PPFIA2: variants seen among roughly 807,000 people sequenced by gnomAD.
PPFIA2 encodes the protein liprin-alpha-2.
In PPFIA2, 46 loss-of-function variants were observed where a neutral mutation model predicts 175.5. That is an observed-to-expected ratio of 0.26 (90% CI 0.21 to 0.34). The LOEUF (loss-of-function observed/expected upper bound fraction) is 0.34, where lower values mean the gene tolerates loss of function less well. Ranked by LOEUF, PPFIA2 falls within the 10% of genes least tolerant of loss-of-function variation. The pLI, the probability that PPFIA2 is intolerant of heterozygous loss-of-function variation, is 1.00. For missense variants in PPFIA2, 1,179 were observed against 1,506.1 expected (o/e 0.78, Z 3.60); for synonymous variants, 568 against 511.4 (o/e 1.11, Z -1.49).
chr12:81,575,523 T>C (rs2153420564), intron 4 of PPFIA2, among the ~76,000 whole-genome samples: 1 of 151,954 alleles, frequency 6.6e-6, no homozygotes, highest in East Asian at 1.9e-4. Flanking sequence ...TATTTTGTCA[T>C]CAGCACTATG....
intron 4 of PPFIA2, among the ~76,000 whole-genome samples, chr12:81,658,652 T>C (rs1187724437): frequency 6.6e-6 from 1 of 151,978 alleles, no homozygotes; most frequent in Non-Finnish European, 1.5e-5. Flanking sequence ...AGAATATACG[T>C]ATATATGTGT....
chr12:81,651,874 C>G (rs2153533569), intron 4 of PPFIA2, among the ~76,000 whole-genome samples: 1 of 152,104 alleles, frequency 6.6e-6, no homozygotes, highest in South Asian at 2.1e-4. Context: ...GTATTATTGG[C>G]TTTTGAAGAT....
At chr12:81,361,714 G>A (rs2030471992) in intron 15 of PPFIA2, among the ~76,000 whole-genome samples, 1 of 151,234 alleles carries the variant, frequency 6.6e-6, no homozygotes, top group South Asian at 2.1e-4. Context: ...AGTTTTTTAG[G>A]TGTTGAGATT....
intron 4 of PPFIA2, among the ~76,000 whole-genome samples, chr12:81,614,979 A>G (rs2061305456): frequency 6.6e-6 from 1 of 152,222 alleles, no homozygotes. Flanking sequence ...CACAGTATAA[A>G]TTAAAATTAC....
intron 4 of PPFIA2, among the ~76,000 whole-genome samples, chr12:81,584,979 T>G (rs1423394538): frequency 9.7e-4 from 25 of 25,882 alleles, no homozygotes; most frequent in African/African-American, 3.1e-3. Flanking sequence ...TATTATATAT[T>G]AATTATATTT....
chr12:81,321,055 C>CAGAGAGAG (rs376416224), intron 22 of PPFIA2, among the ~76,000 whole-genome samples: 3,085 of 148,668 alleles, frequency 0.021, 102 homozygotes, highest in African/African-American at 0.068. Flanking sequence ...ATAAATAAAA[C>CAGAGAGAG]AGAGAGAGAG....
intron 4 of PPFIA2, among the ~76,000 whole-genome samples, chr12:81,573,554 T>A (rs911608167): frequency 6.6e-6 from 1 of 151,934 alleles, no homozygotes; most frequent in African/African-American, 2.4e-5. Context: ...AGGCAGTCTC[T>A]ATTTCTAGGT....
chr12:81,714,121 T>C (rs1216503183), intron 3 of PPFIA2, among the ~76,000 whole-genome samples: 2 of 151,082 alleles, frequency 1.3e-5, no homozygotes, highest in Non-Finnish European at 2.9e-5. Flanking sequence ...AGGTAAGTAG[T>C]ATGTGGTCAG....
At chr12:81,367,085 C>A in intron 14 of PPFIA2, 23 bp downstream of exon 14, 1 of 1,453,458 alleles carries the variant, frequency 6.9e-7, no homozygotes, top group South Asian at 1.4e-5. Flanking sequence ...AAAATGGGCC[C>A]AAAACATAAG....
intron 24 of PPFIA2, among the ~76,000 whole-genome samples, chr12:81,288,115 C>T (rs1365102252): frequency 6.6e-6 from 1 of 151,846 alleles, no homozygotes; most frequent in Non-Finnish European, 1.5e-5. Flanking sequence ...GTAGCACTTA[C>T]TAATGACTAC....
intron 28 of PPFIA2, among the ~76,000 whole-genome samples, chr12:81,276,351 A>C (rs558024798): frequency 6.6e-6 from 1 of 152,232 alleles, no homozygotes; most frequent in East Asian, 1.9e-4. Flanking sequence ...GGTACACTAA[A>C]ACCCAGACTT....
chr12:81,482,486 C>T (rs766746941), intron 4 of PPFIA2, among the ~76,000 whole-genome samples: 1 of 152,154 alleles, frequency 6.6e-6, no homozygotes, highest in Non-Finnish European at 1.5e-5. Flanking sequence ...TTGGAACCCA[C>T]CCATATGTCC....
intron 4 of PPFIA2, among the ~76,000 whole-genome samples, chr12:81,625,915 T>G (rs2062645612): frequency 6.7e-6 from 1 of 149,636 alleles, no homozygotes; most frequent in Non-Finnish European, 1.5e-5. Flanking sequence ...CTTTGGTGTT[T>G]GTCAAAGAGA....
At chr12:81,330,845 A>G (rs1326529461) in intron 21 of PPFIA2, among the ~76,000 whole-genome samples, 1 of 152,232 alleles carries the variant, frequency 6.6e-6, no homozygotes, top group Non-Finnish European at 1.5e-5. Context: ...ATTGTTCAAC[A>G]TCTGTTAGTC....
intron 22 of PPFIA2, among the ~76,000 whole-genome samples, chr12:81,309,517 G>A (rs1178978670): frequency 6.6e-6 from 1 of 152,062 alleles, no homozygotes; most frequent in Non-Finnish European, 1.5e-5. Flanking sequence ...AGCATACTGT[G>A]ATTTTGTGTA....
chr12:81,307,869 G>A (rs903982723), intron 22 of PPFIA2, among the ~76,000 whole-genome samples: 2 of 152,076 alleles, frequency 1.3e-5, no homozygotes, highest in African/African-American at 4.8e-5. Flanking sequence ...ACCCCTCCAT[G>A]TCTTGCTATA....
chr12:81,395,781 C>T (rs1293346474), intron 8 of PPFIA2, among the ~76,000 whole-genome samples: 1 of 151,998 alleles, frequency 6.6e-6, no homozygotes, highest in Non-Finnish European at 1.5e-5. Flanking sequence ...AATATTTATT[C>T]CTGCACAGTC....
At chr12:81,557,677 A>T (rs2069144766) in intron 4 of PPFIA2, among the ~76,000 whole-genome samples, 1 of 152,092 alleles carries the variant, frequency 6.6e-6, no homozygotes, top group South Asian at 2.1e-4. Context: ...GTGAATAGGT[A>T]TAGAAATTTC....
intron 4 of PPFIA2, among the ~76,000 whole-genome samples, chr12:81,574,290 C>G (rs367928223): frequency 2.0e-5 from 3 of 151,678 alleles, no homozygotes; most frequent in African/African-American, 7.3e-5. Context: ...GGATAAGATT[C>G]TATTTAATAG....
Sources: gnomAD v4.1 joint callset for allele counts (sites outside exome capture counted in the v4.1 genomes callset) on GRCh38, gnomAD v4.1.1 for gene constraint, MANE v1.5 for transcripts, NCBI Gene and HGNC (gene_info 2026-07-23, HGNC 2026-07-21) for gene names.